The following H1-5 variants were observed in gnomAD, a reference collection of about 807,000 sequenced individuals.
H1-5 encodes H1.5 linker histone, cluster member, also known as histone H1.5.
Under a neutral mutation model 4.6 loss-of-function variants are expected in H1-5, and 3 were observed. The ratio of observed to expected loss-of-function variants is 0.65; its 90% CI spans 0.30 to 1.68. The LOEUF (loss-of-function observed/expected upper bound fraction) is 1.68. Ranked by LOEUF, H1-5 falls within the 40% of genes most tolerant of loss-of-function variation. The pLI is 0.10. For missense variants in H1-5, 521 were observed against 287.9 expected (o/e 1.81, Z -5.86); for synonymous variants, 250 against 123.4 (o/e 2.03, Z -6.80).
In H1-5 at chr6:27,867,506, C is replaced by T. The variant is rs748076289; in HGVS notation, c.24G>A (p.Glu8=). ...TCTCCACCGGCGCTGGGGTGGCTGT[C>T]TCGGCAGGAGCGGTTTCCGACATGG... MSETAPA[E]TATPAPVEKS... The change falls in exon 1 of 1, where the codon GAG becomes GAA. Residue 8 remains glutamate (E), a synonymous_variant. Transcript: ENST00000331442. The T allele has an allele frequency of 7.1e-6, 11 of 1,559,976 alleles. No homozygotes were observed. Among genetic ancestry groups the T allele is most frequent in the Middle Eastern group, 1.7e-4 (1 of 5,782 alleles).
chr6:27,867,055 CCTTCTTCGGAGT>C lies in H1-5; in HGVS notation c.463_474del (p.Thr155_Lys158del), dbSNP rs545007006. 3.0e-5 allele frequency: 49 copies of C among 1,613,882 alleles called. No individual in the cohort carries two copies. Among genetic ancestry groups the C allele is most frequent in the Admixed American group, 1.0e-4 (6 of 59,964 alleles). ...ACGCCAGCCGCCGCGGGCTTCTTCG[CCTTCTTCGGAGT>C]CTTCTTCACTGCCTTTTTCGCCCCT... On this transcript the variant is annotated inframe_deletion, in exon 1 of 1. Transcript: ENST00000331442.
chr6:27,867,086 C>A lies in H1-5; in HGVS notation c.444G>T (p.Ala148=), dbSNP rs368971921. The A allele has an allele frequency of 2.5e-4, 411 of 1,613,588 alleles. No individual in the cohort carries two copies. The highest frequency in any genetic ancestry group is 3.3e-4 in the Non-Finnish European group (388 of 1,179,860). ...TCGGAGTCTTCTTCACTGCCTTTTT[C>A]GCCCCTGCAGCCTTCTTGGCCTTCT... The part of the protein sequence containing the change: ...TPKKAKKAAG[A]KKAVKKTPKK... The change falls in exon 1 of 1, where the codon GCG becomes GCT. Residue 148 remains alanine, a synonymous_variant. Transcript: ENST00000331442.
At position 27,866,803 on chromosome 6, in the gene H1-5, GAA is replaced by G; in HGVS notation, c.*44_*45del. The G allele has an allele frequency of 6.7e-7, 1 of 1,488,726 alleles. No individual in the cohort carries two copies. The highest frequency in any genetic ancestry group is 9.0e-7 in the Non-Finnish European group (1 of 1,110,896). The allele number at this position is 1,488,726 out of a possible 1,614,324, so 92.2% of individuals were successfully genotyped here. ...TTTTTAGAGGTCTCTGGGTGGCTCTGAAAAGAGCCTTTGGGGCTTTGTTGCGG... is the reference window on the plus strand; with the variant it reads ...TTTTTAGAGGTCTCTGGGTGGCTCTGAAGAGCCTTTGGGGCTTTGTTGCGG... On this transcript the variant is annotated 3_prime_UTR_variant, in exon 1 of 1. Coordinates refer to ENST00000331442, the MANE Select transcript of H1-5 (RefSeq NM_005322.3).
At position 27,867,388 on chromosome 6, in the gene H1-5, T is replaced by C. The variant is rs776291139; in HGVS notation, c.142A>G (p.Thr48Ala). ...ATGPPVSELITKAVAASKERN... is the reference protein window; with the variant it reads ...ATGPPVSELIAKAVAASKERN... ...TCCTTAGAAGCAGCCACAGCCTTGG[T>C]GATCAGCTCTGAGACTGGGGGCCCC... Residue 48 changes from threonine to alanine, a missense_variant, in exon 1 of 1, where the codon ACC becomes GCC. By Grantham distance (58) the Thr-to-Ala change is moderately conservative. Coordinates refer to ENST00000331442, the MANE Select transcript of H1-5 (RefSeq NM_005322.3). 3.7e-6 allele frequency: 6 copies of C among 1,614,260 alleles called. No homozygotes were observed. Among genetic ancestry groups the C allele is most frequent in the Non-Finnish European group, 5.1e-6 (6 of 1,180,036 alleles).
rs529079280 is a variant in H1-5 at position 27,867,427 on chromosome 6, TAGC to T, written c.100_102del (p.Ala34del). 407 of 1,611,194 alleles carry T rather than the reference TAGC, an allele frequency of 2.5e-4. 4 individuals carry two copies. The Admixed American group carries it at 6.7e-3, about 27-fold the overall frequency. ...ACTGGGGGCCCCGTCGCTTTGCGCT[TAGC>T]AGCGCCGGCGCCGGCAGCCTTCTTA... On this transcript the variant is annotated inframe_deletion, in exon 1 of 1. Transcript: ENST00000331442.
At position 27,867,401 on chromosome 6, in the gene H1-5, G is replaced by T. The variant is rs762704212; in HGVS notation, c.129C>A (p.Val43=). Residue 43 remains valine, a synonymous_variant, in exon 1 of 1, where the codon GTC becomes GTA. Coordinates refer to ENST00000331442, the MANE Select transcript of H1-5 (RefSeq NM_005322.3). ...AAKRKATGPP[V]SELITKAVAA... is the part of the protein sequence containing the mutation. The stretch of plus-strand genomic sequence containing the variant: ...CCACAGCCTTGGTGATCAGCTCTGA[G>T]ACTGGGGGCCCCGTCGCTTTGCGCT... 4 of 1,614,172 alleles carry T rather than the reference G, an allele frequency of 2.5e-6. No individual in the cohort carries two copies. The Admixed American group carries it at 6.7e-5, about 27-fold the overall frequency.
In H1-5 at chr6:27,867,251, C is replaced by G; in HGVS notation, c.279G>C (p.Lys93Asn). 6.2e-7 allele frequency: 1 copy of G among 1,614,252 alleles called. No homozygotes were observed. The part of the protein sequence containing the change: ...IKLGLKSLVS[K>N]GTLVQTKGTG... ...TGCCCTTGGTCTGCACCAGGGTGCCCTTGCTCACCAAGCTCTTGAGGCCCA... is the reference window on the plus strand; with the variant it reads ...TGCCCTTGGTCTGCACCAGGGTGCCGTTGCTCACCAAGCTCTTGAGGCCCA... The change falls in exon 1 of 1, where the codon AAG becomes AAC. Residue 93 changes from lysine (K) to asparagine (N), a missense_variant. Transcript: ENST00000331442.
rs773808007 is a variant in H1-5 at position 27,867,161 on chromosome 6, G to A, written c.369C>T (p.Ala123=). The A allele has an allele frequency of 1.9e-5, 31 of 1,614,004 alleles. No homozygotes were observed. In the Admixed American group the frequency reaches 4.5e-4, roughly 23 times the overall value. Residue 123 remains alanine, a synonymous_variant, in exon 1 of 1, where the codon GCC becomes GCT. Coordinates refer to ENST00000331442, the MANE Select transcript of H1-5 (RefSeq NM_005322.3). ...TAGCTTTAGCGGCGCCTGCCTTCTT[G>A]GCTTTGGGCTTGGCTTCCCCGGAGG... ...KAASGEAKPK[A]KKAGAAKAKK... is the part of the protein sequence containing the mutation.
Position 27,867,563 on chromosome 6 carries a change from G to C in H1-5, c.-34C>G, listed in dbSNP as rs752230992. 2 of 1,512,234 alleles carry C rather than the reference G, an allele frequency of 1.3e-6. No individual in the cohort carries two copies. The highest frequency in any genetic ancestry group is 1.8e-6 in the Non-Finnish European group (2 of 1,131,242). 93.7% of individuals were successfully genotyped at this position (1,512,234 alleles called of 1,614,324 possible). ...GAAACTGCTAGAAGAGAATAAGCTC[G>C]AAATCTAAAGAGCAGGTTTTGCGTT... On this transcript the variant is annotated 5_prime_UTR_variant, in exon 1 of 1. Transcript: ENST00000331442.
rs765210491 is a variant in H1-5 at position 27,866,992 on chromosome 6, C to T, written c.538G>A (p.Ala180Thr). The change falls in exon 1 of 1, where the codon GCT becomes ACT. Residue 180 changes from alanine to threonine, a missense_variant. Physicochemically the swap from Ala to Thr is moderately conservative, Grantham distance 58. Coordinates refer to ENST00000331442, the MANE Select transcript of H1-5 (RefSeq NM_005322.3). Reference protein sequence around the residue: ...VAKSPKKAKAAAKPKKATKSP... With the variant: ...VAKSPKKAKATAKPKKATKSP... ...TTGGTTGCCTTTTTCGGTTTGGCAG[C>T]GGCCTTGGCCTTCTTAGGGCTCTTC... 2.8e-5 allele frequency: 45 copies of T among 1,614,102 alleles called. No homozygotes were observed. The highest frequency in any genetic ancestry group is 1.6e-4 in the Middle Eastern group (1 of 6,082).
Position 27,867,501 on chromosome 6 carries a change from G to C in H1-5, c.29C>G (p.Ala10Gly), listed in dbSNP as rs748852776. MSETAPAETATPAPVEKSPA... is the reference protein window; with the variant it reads MSETAPAETGTPAPVEKSPA... The stretch of plus-strand genomic sequence containing the variant: ...GGATTTCTCCACCGGCGCTGGGGTG[G>C]CTGTCTCGGCAGGAGCGGTTTCCGA... The change falls in exon 1 of 1, where the codon GCC (alanine) becomes GGC (glycine). Residue 10 changes from alanine to glycine, a missense_variant. Coordinates refer to ENST00000331442, the MANE Select transcript of H1-5 (RefSeq NM_005322.3). 1 of 1,564,368 alleles carries C rather than the reference G, an allele frequency of 6.4e-7. No individual in the cohort carries two copies. The highest frequency in any genetic ancestry group is 2.0e-5 in the Admixed American group (1 of 49,348).
chr6:27,866,935 TC>T lies in H1-5; in HGVS notation c.594del (p.Lys199ArgfsTer?). On this transcript the variant is annotated frameshift_variant, in exon 1 of 1. Transcript: ENST00000331442. LOFTEE classifies it high-confidence loss of function. The part of the protein sequence containing the change: ...KSPAKPKAVK[P>X]KAAKPKAAKP... ...TTAGCGGCTTTGGGCTTTGCCGCCT[TC>T]GGCTTAACTGCCTTGGGCTTGGCAG... 1.2e-6 allele frequency: 2 copies of T among 1,614,188 alleles called. No homozygotes were observed. Among genetic ancestry groups the T allele is most frequent in the Non-Finnish European group, 8.5e-7 (1 of 1,180,030 alleles).
Position 27,867,183 on chromosome 6 carries a change from G to A in H1-5, c.347C>T (p.Ser116Phe). 1.2e-6 allele frequency: 2 copies of A among 1,614,206 alleles called. No homozygotes were observed. The highest frequency in any genetic ancestry group is 1.1e-5 in the South Asian group (1 of 91,086). Residue 116 changes from serine to phenylalanine, a missense_variant, in exon 1 of 1, where the codon TCC (serine) becomes TTC (phenylalanine). Transcript: ENST00000331442. ...GSFKLNKKAA[S>F]GEAKPKAKKA... Reference sequence around the variant, plus strand: ...CTTGGCTTTGGGCTTGGCTTCCCCGGAGGCCGCCTTCTTGTTGAGTTTAAA... The same window carrying A: ...CTTGGCTTTGGGCTTGGCTTCCCCGAAGGCCGCCTTCTTGTTGAGTTTAAA...
In H1-5 at chr6:27,867,051, T is replaced by C. The variant is rs1437392884; in HGVS notation, c.479A>G (p.Lys160Arg). ...KAVKKTPKKA[K>R]KPAAAGVKKV... The stretch of plus-strand genomic sequence containing the variant: ...TTTGACGCCAGCCGCCGCGGGCTTC[T>C]TCGCCTTCTTCGGAGTCTTCTTCAC... Residue 160 changes from lysine to arginine, a missense_variant, in exon 1 of 1, where the codon AAG (lysine) becomes AGG (arginine). Lys to Arg is a conservative substitution (Grantham distance 26, BLOSUM62 2). Coordinates refer to ENST00000331442, the MANE Select transcript of H1-5 (RefSeq NM_005322.3). 3.1e-6 allele frequency: 5 copies of C among 1,613,774 alleles called. No homozygotes were observed. The highest frequency in any genetic ancestry group is 2.5e-6 in the Non-Finnish European group (3 of 1,179,984).
chr6:27,867,028 T>C lies in H1-5; in HGVS notation c.502A>G (p.Lys168Glu), dbSNP rs542637132. 9.9e-6 allele frequency: 16 copies of C among 1,614,090 alleles called. No individual in the cohort carries two copies. The highest frequency in any genetic ancestry group is 1.4e-5 in the Non-Finnish European group (16 of 1,180,024). Residue 168 changes from lysine (K) to glutamate (E), a missense_variant, in exon 1 of 1, where the codon AAA becomes GAA. Transcript: ENST00000331442. The stretch of plus-strand genomic sequence containing the variant: ...TTCTTAGGGCTCTTCGCCACCTTTT[T>C]GACGCCAGCCGCCGCGGGCTTCTTC... ...KAKKPAAAGV[K>E]KVAKSPKKAK...
rs760711430 is a variant in H1-5, at chr6:27,867,452, C to T, written c.78G>A (p.Lys26=). 7 of 1,606,460 alleles carry T rather than the reference C, an allele frequency of 4.4e-6. No homozygotes were observed. Among genetic ancestry groups the T allele is most frequent in the Non-Finnish European group, 5.9e-6 (7 of 1,177,038 alleles). ...TAGCAGCGCCGGCGCCGGCAGCCTT[C>T]TTAGTTGCCTTCTTCTTAGCCGGGG... is the stretch of plus-strand genomic sequence containing the variant. The part of the protein sequence containing the change: ...EKSPAKKKAT[K]KAAGAGAAKR... The change falls in exon 1 of 1, where the codon AAG becomes AAA. Residue 26 remains lysine (K), a synonymous_variant. Coordinates refer to ENST00000331442, the MANE Select transcript of H1-5 (RefSeq NM_005322.3).
In H1-5 at chr6:27,866,961, G is replaced by A. The variant is rs748662618; in HGVS notation, c.569C>T (p.Pro190Leu). 45 of 1,614,068 alleles carry A rather than the reference G, an allele frequency of 2.8e-5. No individual in the cohort carries two copies. The highest frequency in any genetic ancestry group is 1.6e-4 in the Middle Eastern group (1 of 6,084). Residue 190 changes from proline (P) to leucine (L), a missense_variant, in exon 1 of 1, where the codon CCT becomes CTT. Physicochemically the swap from Pro to Leu is moderately conservative, Grantham distance 98. Transcript: ENST00000331442. ...AAKPKKATKS[P>L]AKPKAVKPKA... The stretch of plus-strand genomic sequence containing the variant: ...CGGCTTAACTGCCTTGGGCTTGGCA[G>A]GACTCTTGGTTGCCTTTTTCGGTTT...
At position 27,867,129 on chromosome 6, in the gene H1-5, G is replaced by A. The variant is rs1038798603; in HGVS notation, c.401C>T (p.Pro134Leu). 7.4e-6 allele frequency: 12 copies of A among 1,614,024 alleles called. No homozygotes were observed. The highest frequency in any genetic ancestry group is 9.3e-6 in the Non-Finnish European group (11 of 1,180,028). ...KKAGAAKAKK[P>L]AGATPKKAKK... is the part of the protein sequence containing the mutation. ...GGCCTTCTTAGGCGTGGCCCCCGCG[G>A]GCTTCTTAGCTTTAGCGGCGCCTGC... Residue 134 changes from proline to leucine, a missense_variant, in exon 1 of 1, where the codon CCC becomes CTC. Transcript: ENST00000331442.
In H1-5 at chr6:27,866,925, T is replaced by C; in HGVS notation, c.605A>G (p.Lys202Arg). The change falls in exon 1 of 1, where the codon AAG becomes AGG. Residue 202 changes from lysine to arginine, a missense_variant. Coordinates refer to ENST00000331442, the MANE Select transcript of H1-5 (RefSeq NM_005322.3). ...TGCTTTGGGCTTAGCGGCTTTGGGC[T>C]TTGCCGCCTTCGGCTTAACTGCCTT... ...KPKAVKPKAA[K>R]PKAAKPKAAK... The C allele has an allele frequency of 1.2e-6, 2 of 1,613,982 alleles. No homozygotes were observed. Among genetic ancestry groups the C allele is most frequent in the Non-Finnish European group, 1.7e-6 (2 of 1,179,936 alleles).
Sources: allele counts gnomAD v4.1 joint callset, GRCh38; gene constraint gnomAD v4.1.1; transcripts MANE v1.5; gene names NCBI Gene and HGNC (gene_info 2026-07-23, HGNC 2026-07-21).